Variants in DMGDH observed in about 807,000 individuals in gnomAD.
DMGDH encodes dimethylglycine dehydrogenase, mitochondrial.
In DMGDH, 76 loss-of-function variants were observed where a neutral mutation model predicts 95.2. The observed-to-expected ratio is 0.80, with a 90% CI of 0.66 to 0.97. DMGDH has a LOEUF of 0.97. Among genes scored for constraint, DMGDH ranks in the 50% least tolerant of loss-of-function variants. The pLI is 0.00. For missense variants in DMGDH, 987 were observed against 1,055.0 expected (o/e 0.94, Z 0.89); for synonymous variants, 345 against 377.6 (o/e 0.91, Z 1.00).
chr5:79,038,146 T>C (rs945519955), intron 7 of DMGDH, among the ~76,000 whole-genome samples: 1 of 152,174 alleles, frequency 6.6e-6, no homozygotes, highest in African/African-American at 2.4e-5. Context: ...TACTTCCTGA[T>C]TTCAGAAATT....
At chr5:79,007,366 T>C (rs1753570842) in intron 14 of DMGDH, among the ~76,000 whole-genome samples, 1 of 152,130 alleles carries the variant, frequency 6.6e-6, no homozygotes, top group African/African-American at 2.4e-5. Context: ...GGGGCTGACT[T>C]TTTGTATATA....
chr5:79,017,066 G>A (rs1226766380), intron 14 of DMGDH, among the ~76,000 whole-genome samples: 1 of 151,998 alleles, frequency 6.6e-6, no homozygotes, highest in East Asian at 1.9e-4. Context: ...AGACCTAAAT[G>A]TAAAAAGTAA....
At chr5:79,004,303 C>G (rs1017266628) in intron 15 of DMGDH, among the ~76,000 whole-genome samples, 1 of 152,070 alleles carries the variant, frequency 6.6e-6, no homozygotes, top group Non-Finnish European at 1.5e-5. Context: ...CATGCTTTAG[C>G]CCCAAAGGCT....
At chr5:79,019,587 T>C (rs1465546998) in intron 14 of DMGDH, among the ~76,000 whole-genome samples, 2 of 152,104 alleles carry the variant, frequency 1.3e-5, no homozygotes, top group Middle Eastern at 3.2e-3. Flanking sequence ...GGAGGGCTTA[T>C]TAGAATAGAT....
intron 1 of DMGDH, among the ~76,000 whole-genome samples, chr5:79,067,137 C>T (rs1755404142): frequency 6.6e-6 from 1 of 152,178 alleles, no homozygotes; most frequent in Non-Finnish European, 1.5e-5. Context: ...GAGGTTCTTT[C>T]AGTTGACTCC....
intron 7 of DMGDH, among the ~76,000 whole-genome samples, chr5:79,036,914 C>A (rs1225277437): frequency 6.6e-6 from 1 of 151,920 alleles, no homozygotes; most frequent in Non-Finnish European, 1.5e-5. Flanking sequence ...ACTCTAAATA[C>A]TTTGGGAAGT....
rs752208775 is a variant in DMGDH at position 79,054,305 on chromosome 5, G to C, written c.419C>G (p.Thr140Ser). 3.1e-6 allele frequency: 5 copies of C among 1,614,062 alleles called. No homozygotes were observed. In the Admixed American group the frequency reaches 8.3e-5, roughly 27 times the overall value. Residue 140 changes from threonine to serine, a missense_variant, in exon 4 of 16, where the codon ACC (threonine) becomes AGC (serine). By Grantham distance (58) the Thr-to-Ser change is moderately conservative. Transcript: ENST00000255189. ...TTTAAATTCATCTACCCTTACAGGG[G>C]TGGTAGCAAGTCTGATACTACCTGG... is the stretch of plus-strand genomic sequence containing the variant. Reference protein sequence around the residue: ...HQPGSIRLATTPVRVDEFKYQ... With the variant: ...HQPGSIRLATSPVRVDEFKYQ...
At chr5:79,007,865 G>A (rs1213270322) in intron 14 of DMGDH, among the ~76,000 whole-genome samples, 1 of 152,180 alleles carries the variant, frequency 6.6e-6, no homozygotes, top group East Asian at 1.9e-4. Context: ...GTGTTAGGCA[G>A]CGGGTATTCA....
At chr5:79,036,073 T>G (rs1754339283) in intron 7 of DMGDH, among the ~76,000 whole-genome samples, 1 of 152,258 alleles carries the variant, frequency 6.6e-6, no homozygotes. Context: ...GGGCAAGTTA[T>G]GTAACCACCC....
intron 2 of DMGDH, among the ~76,000 whole-genome samples, chr5:79,057,786 T>G (rs371445310): frequency 7.2e-5 from 11 of 152,326 alleles, no homozygotes; most frequent in African/African-American, 2.6e-4. Flanking sequence ...ATATATGTCC[T>G]ATATAAAACT....
In DMGDH at chr5:79,032,764, A is replaced by G. The variant is rs370857629; in HGVS notation, c.1440T>C (p.Ser480=). Residue 480 remains serine, a synonymous_variant, in exon 9 of 16, where the codon TCT becomes TCC. Coordinates refer to ENST00000255189, the MANE Select transcript of DMGDH (RefSeq NM_013391.3). ...CAGCATGGAACCCCATGGAACACTT[A>G]GACTCCAGCCTTTGATAGAGCCCAC... ...RVSGLYQRLE[S]KCSMGFHAGW... The G allele has an allele frequency of 4.3e-6, 7 of 1,614,070 alleles. No individual in the cohort carries two copies. In the African/African-American group the frequency reaches 8.0e-5, roughly 18 times the overall value.
At chr5:79,000,347 G>A in intron 15 of DMGDH, 1 of 661,398 alleles carries the variant, frequency 1.5e-6, no homozygotes, top group South Asian at 1.4e-5. Flanking sequence ...AAGAAGGTCT[G>A]TTTATTCTCA....
Position 79,060,784 on chromosome 5 carries a change from T to C in DMGDH, c.276+2829A>G, listed in dbSNP as rs1755180297. Among the ~76,000 whole-genome samples the C allele has an allele frequency of 6.6e-5, 10 of 151,850 alleles. No homozygotes were observed. In the South Asian group the frequency reaches 2.1e-3, roughly 32 times the overall value. ...AAATACAAAAATTAGCTGGGTGTGG[T>C]GGTGCGCACCTGTAGTCCCAGCTAC... is the stretch of plus-strand genomic sequence containing the variant. On this transcript the variant is annotated intron_variant, in intron 2 of 15. Transcript: ENST00000255189.
chr5:79,038,243 G>C (rs755691929), intron 7 of DMGDH, among the ~76,000 whole-genome samples: 15 of 152,138 alleles, frequency 9.9e-5, no homozygotes, highest in Non-Finnish European at 1.8e-4. Flanking sequence ...CAGCACTTTG[G>C]GGGGTCGAGG....
intron 2 of DMGDH, among the ~76,000 whole-genome samples, chr5:79,061,919 G>A (rs555649199): frequency 6.6e-6 from 1 of 152,082 alleles, no homozygotes; most frequent in Admixed American, 6.5e-5. Context: ...AAAAAATAAT[G>A]ATAATAATAA....
chr5:79,050,603 T>C (rs1317792317), intron 5 of DMGDH, among the ~76,000 whole-genome samples: 2 of 152,150 alleles, frequency 1.3e-5, no homozygotes, highest in Non-Finnish European at 2.9e-5. Flanking sequence ...TATTAGAAAG[T>C]GTATTAACTC....
At chr5:79,010,115 T>C (rs1753621890) in intron 14 of DMGDH, among the ~76,000 whole-genome samples, 2 of 152,208 alleles carry the variant, frequency 1.3e-5, no homozygotes, top group Non-Finnish European at 2.9e-5. Context: ...CTGTAATACA[T>C]ACTAAATATA....
At chr5:79,021,445 A>G (rs2112612485) in intron 14 of DMGDH, 1 of 1,210,576 alleles carries the variant, frequency 8.3e-7, no homozygotes, top group South Asian at 1.5e-5. Flanking sequence ...ATGTGTATCA[A>G]CTTCACATAA....
intron 14 of DMGDH, among the ~76,000 whole-genome samples, chr5:79,015,349 G>C (rs1753711555): frequency 6.6e-6 from 1 of 152,116 alleles, no homozygotes; most frequent in South Asian, 2.1e-4. Flanking sequence ...TTGATAATTA[G>C]GAGAATGATC....
Sources: gnomAD v4.1 joint callset for allele counts (sites outside exome capture counted in the v4.1 genomes callset) on GRCh38, gnomAD v4.1.1 for gene constraint, MANE v1.5 for transcripts, NCBI Gene and HGNC (gene_info 2026-07-23, HGNC 2026-07-21) for gene names.